The following PUDP variants were observed in gnomAD, a reference collection of about 807,000 sequenced individuals.
The protein encoded by PUDP is pseudouridine 5'-phosphatase, also known as pseudouridine-5'-phosphatase.
Under a neutral mutation model 9.4 loss-of-function variants are expected in PUDP, and 8 were observed. The observed-to-expected ratio is 0.85, with a 90% CI of 0.50 to 1.53. The LOEUF is 1.53. PUDP is among the 40% of genes most tolerant of loss of function. The pLI is 0.00. For missense variants in PUDP, 188 were observed against 189.7 expected (o/e 0.99, Z 0.05); for synonymous variants, 99 against 80.7 (o/e 1.23, Z -1.22).
At chrX:6,933,142 G>T (rs1341696623) in intron 3 of PUDP, among the ~76,000 whole-genome samples, 4 of 108,232 alleles carry the variant, frequency 3.7e-5, no homozygotes, top group Non-Finnish European at 5.8e-5. Flanking sequence ...CGCAGCTGGA[G>T]ATCTGAGAAC....
chrX:6,954,003 T>TTTCCCAC (rs919819466), intron 3 of PUDP, among the ~76,000 whole-genome samples: 3 of 110,188 alleles, frequency 2.7e-5, no homozygotes, highest in Non-Finnish European at 3.8e-5. Flanking sequence ...CCCACTTCCC[T>TTTCCCAC]TTCCCACTTC....
chrX:7,088,577 A>G (rs763938378), intron 2 of PUDP, among the ~76,000 whole-genome samples: 1 of 111,912 alleles, frequency 8.9e-6, no homozygotes, highest in South Asian at 3.7e-4. Flanking sequence ...TGGTGTACTG[A>G]TCCTTGATCC....
chrX:6,992,977 A>G (rs1292460082), intron 1 of PUDP, among the ~76,000 whole-genome samples: 2 of 111,492 alleles, frequency 1.8e-5, no homozygotes, highest in African/African-American at 6.5e-5. Context: ...TCAGACTCCA[A>G]GTTCTTCAGT....
intron 3 of PUDP, among the ~76,000 whole-genome samples, chrX:6,927,055 G>A (rs1020456353): frequency 1.3e-4 from 14 of 106,982 alleles, no homozygotes; most frequent in African/African-American, 4.5e-4. Context: ...AGCCTCCTGA[G>A]TAGCTGGAAC....
At chrX:6,867,491 T>C (rs974903406) in intron 3 of PUDP, among the ~76,000 whole-genome samples, 2 of 109,150 alleles carry the variant, frequency 1.8e-5, no homozygotes, top group African/African-American at 6.8e-5. Context: ...GTGGTAGTGA[T>C]GATGGTGGTG....
At chrX:6,956,514 A>C (rs1208573191) in intron 3 of PUDP, among the ~76,000 whole-genome samples, 1 of 111,676 alleles carries the variant, frequency 9.0e-6, no homozygotes, top group Admixed American at 9.5e-5. Flanking sequence ...GAAAATGCCC[A>C]AAACACAGGA....
rs758644304 is a variant in PUDP at position 6,842,239 on chromosome X, C to T, written c.*247+134894G>A. On this transcript the variant is annotated intron_variant and NMD_transcript_variant, in intron 3 of 3. Coordinates refer to the PUDP transcript ENST00000655425. ...AAATATATGTTACTATTATGAAAAA[C>T]GTAACATATACACTTACATATGTAT... Among the ~76,000 whole-genome samples the T allele has an allele frequency of 4.3e-4, 48 of 111,956 alleles. 1 individual carries two copies. The highest frequency in any genetic ancestry group is 2.6e-3 in the Admixed American group (27 of 10,549).
chrX:7,133,079 A>T (rs1191634116), intron 1 of PUDP, among the ~76,000 whole-genome samples: 1 of 112,252 alleles, frequency 8.9e-6, no homozygotes, highest in African/African-American at 3.2e-5. Context: ...AGACTGGAAG[A>T]TAACTCCCAG....
At chrX:7,061,726 C>G (rs1158474447) in intron 3 of PUDP, among the ~76,000 whole-genome samples, 1 of 111,379 alleles carries the variant, frequency 9.0e-6, no homozygotes, top group African/African-American at 3.3e-5. Flanking sequence ...GGAGAACAAA[C>G]AAATGAATCT....
chrX:6,979,555 A>G (rs1348124084), intron 1 of PUDP, among the ~76,000 whole-genome samples: 3 of 111,837 alleles, frequency 2.7e-5, no homozygotes, highest in Non-Finnish European at 3.8e-5. Flanking sequence ...AAGGAATGGG[A>G]TATGAGGGGG....
At position 7,077,265 on chromosome X, in the gene PUDP, G is replaced by A. The variant is rs370295530; in HGVS notation, c.465C>T (p.Phe155=). The change falls in exon 3 of 4, where the codon TTC becomes TTT. Residue 155 remains phenylalanine (F), a synonymous_variant. Coordinates refer to ENST00000381077, the MANE Select transcript of PUDP (RefSeq NM_012080.5). The stretch of plus-strand genomic sequence containing the variant: ...GAGAGAACCTCTTGGCACAAGCTAG[G>A]AAGATGTCCGGGTCTGGCTTGCCAT... ...VQHGKPDPDI[F]LACAKRFSPP... The A allele has an allele frequency of 2.5e-6, 3 of 1,204,475 alleles. No homozygotes were observed. Among genetic ancestry groups the A allele is most frequent in the Non-Finnish European group, 3.4e-6 (3 of 891,879 alleles).
chrX:7,122,346 T>C (rs1479617100), intron 1 of PUDP, among the ~76,000 whole-genome samples: 1 of 111,459 alleles, frequency 9.0e-6, no homozygotes, highest in Non-Finnish European at 1.9e-5. Context: ...CTCTCTCCCA[T>C]TTAAAAGCAC....
At chrX:6,930,955 CAA>C (rs775801816) in intron 3 of PUDP, among the ~76,000 whole-genome samples, 45 of 85,829 alleles carry the variant, frequency 5.2e-4, no homozygotes, top group Non-Finnish European at 7.8e-4. Context: ...CATCCTTATA[CAA>C]AAAAAAAAAA....
chrX:6,778,769 G>A (rs1925509152), intron 3 of PUDP, among the ~76,000 whole-genome samples: 1 of 112,279 alleles, frequency 8.9e-6, no homozygotes, highest in Non-Finnish European at 1.9e-5. Context: ...CCACAGAGCC[G>A]ACAAATGCAG....
chrX:7,025,912 A>T (rs1438772396), intron 1 of PUDP, among the ~76,000 whole-genome samples: 1 of 112,011 alleles, frequency 8.9e-6, no homozygotes, highest in Non-Finnish European at 1.9e-5. Flanking sequence ...GTTTTGCATC[A>T]TCAGATATCA....
At position 6,890,825 on chromosome X, in the gene PUDP, A is replaced by G. The variant is rs902273519; in HGVS notation, c.*247+86308T>C. 3.8e-5 allele frequency among the ~76,000 whole-genome samples: 4 copies of G among 106,131 alleles called. No homozygotes were observed. The Admixed American group carries it at 4.2e-4, about 11-fold the overall frequency. The allele number at this position is 106,131 out of a possible 115,157, so 92.2% of individuals were successfully genotyped here. On this transcript the variant is annotated intron_variant and NMD_transcript_variant, in intron 3 of 3. Coordinates refer to the PUDP transcript ENST00000655425. ...CTTTAAATGGAAATACAGTCCAGGC[A>G]TGGTGGCTAATGCCTGTAATGCTAG...
rs1288481933 is a variant in PUDP, at chrX:6,866,913, TTC to T, written c.*247+110218_*247+110219del. On this transcript the variant is annotated intron_variant and NMD_transcript_variant, in intron 3 of 3. Transcript: ENST00000655425. ...CCCAACTTGCTCTGGGAATGAAAAC[TTC>T]AGCTGGAACTGGGGTGAGAAAAGAA... is the stretch of plus-strand genomic sequence containing the variant. Among the ~76,000 whole-genome samples the T allele has an allele frequency of 4.5e-5, 5 of 111,187 alleles. No individual in the cohort carries two copies. In the Admixed American group the frequency reaches 4.8e-4, roughly 11 times the overall value.
chrX:7,128,251 AGGCTAGTCTTGAACTCCTG>A (rs1440160842), intron 1 of PUDP, among the ~76,000 whole-genome samples: 1 of 111,354 alleles, frequency 9.0e-6, no homozygotes, highest in Admixed American at 9.6e-5. Context: ...CATGTTGCCC[AGGCTAGTCTTGAACTCCTG>A]GGCTCAAGTG....
At chrX:7,100,530 C>T in intron 2 of PUDP, among the ~76,000 whole-genome samples, 1 of 111,706 alleles carries the variant, frequency 9.0e-6, no homozygotes, top group Non-Finnish European at 1.9e-5. Context: ...GAAACAAAGT[C>T]AAGGGTTATA....
Sources: allele counts gnomAD v4.1 joint callset (sites outside exome capture counted in the v4.1 genomes callset), GRCh38; gene constraint gnomAD v4.1.1; transcripts MANE v1.5; gene names NCBI Gene and HGNC (gene_info 2026-07-23, HGNC 2026-07-21).